Variants in MACROD2 observed in about 807,000 individuals in gnomAD.
MACROD2 encodes ADP-ribose glycohydrolase MACROD2.
MACROD2 carries 36 observed loss-of-function variants against 70.4 expected under a neutral mutation model. The ratio of observed to expected loss-of-function variants is 0.51; its 90% CI spans 0.39 to 0.68. The LOEUF is 0.68. MACROD2 is among the 30% of genes least tolerant of loss of function. The pLI, the probability that MACROD2 is intolerant of heterozygous loss-of-function variation, is 0.00. For missense variants in MACROD2, 496 were observed against 538.4 expected, an observed-to-expected ratio of 0.92 and a Z score of 0.78; for synonymous variants, 172 against 178.8, an observed-to-expected ratio of 0.96 and a Z score of 0.30.
intron 2 of MACROD2, among the ~76,000 whole-genome samples, chr20:14,079,295 A>T (rs1201231563): frequency 6.6e-6 from 1 of 152,216 alleles, no homozygotes; most frequent in Admixed American, 6.5e-5. Context: ...AGACCATACC[A>T]TTGGAATGAG....
rs59205516 is a variant in MACROD2, at chr20:15,978,582, G to GTCTCTCTCTCTC, written c.986-8122_986-8111dup. 9.1e-3 allele frequency among the ~76,000 whole-genome samples: 1,327 copies of GTCTCTCTCTCTC among 146,376 alleles called. 17 individuals are homozygous for GTCTCTCTCTCTC. Among genetic ancestry groups the GTCTCTCTCTCTC allele is most frequent in the African/African-American group, 0.026 (1,003 of 39,308 alleles). ...AATAAACTTACTCGCCTGACCTTGG[G>GTCTCTCTCTCTC]TCTCTCTCTCTCTCTCTCTCTCTCT... On this transcript the variant is annotated intron_variant, in intron 13 of 17. Transcript: ENST00000684519.
At chr20:15,691,169 A>G (rs1198001636) in intron 8 of MACROD2, among the ~76,000 whole-genome samples, 1 of 152,200 alleles carries the variant, frequency 6.6e-6, no homozygotes. Flanking sequence ...GCAGCAATTA[A>G]GAGCAACTAG....
intron 4 of MACROD2, among the ~76,000 whole-genome samples, chr20:14,663,598 G>C (rs995633053): frequency 6.6e-6 from 1 of 150,428 alleles, no homozygotes; most frequent in Non-Finnish European, 1.5e-5. Flanking sequence ...ATATATAATG[G>C]TCATATATAT....
At chr20:15,031,692 G>C (rs758566616) in intron 5 of MACROD2, among the ~76,000 whole-genome samples, 1 of 152,132 alleles carries the variant, frequency 6.6e-6, no homozygotes, top group African/African-American at 2.4e-5. Flanking sequence ...CAGAGTTAGC[G>C]GTGTTTTTAT....
intron 6 of MACROD2, among the ~76,000 whole-genome samples, chr20:15,361,922 C>T (rs1408793323): frequency 2.0e-5 from 3 of 151,942 alleles, no homozygotes; most frequent in Admixed American, 1.3e-4. Flanking sequence ...CTGCTGAACT[C>T]ACTCATCCTA....
intron 4 of MACROD2, among the ~76,000 whole-genome samples, chr20:14,582,042 G>A (rs1841785697): frequency 7.6e-6 from 1 of 131,138 alleles, no homozygotes; most frequent in African/African-American, 2.6e-5. Context: ...CCCTTGGATT[G>A]GCTTTCCCCC....
chr20:15,883,038 A>C lies in MACROD2; in HGVS notation c.728-2726A>C, dbSNP rs78664674. On this transcript the variant is annotated intron_variant, in intron 9 of 17. Coordinates refer to ENST00000684519, the MANE Select transcript of MACROD2 (RefSeq NM_001351661.2). The stretch of plus-strand genomic sequence containing the variant: ...ACTACTGACAAGATTCTTAAAAAAA[A>C]AAACAAACAAACAAAACAAAAAAAA... 2.5e-3 allele frequency among the ~76,000 whole-genome samples: 383 copies of C among 151,904 alleles called. 1 individual carries two copies. Among genetic ancestry groups the C allele is most frequent in the African/African-American group, 7.4e-3 (305 of 41,418 alleles).
intron 6 of MACROD2, among the ~76,000 whole-genome samples, chr20:15,333,267 A>G (rs1403127434): frequency 6.6e-6 from 1 of 151,546 alleles, no homozygotes; most frequent in East Asian, 1.9e-4. Flanking sequence ...TCTCCAGGTG[A>G]TTCTGATGCA....
intron 5 of MACROD2, among the ~76,000 whole-genome samples, chr20:15,062,965 A>T (rs1568555059): frequency 6.6e-6 from 1 of 152,246 alleles, no homozygotes; most frequent in Non-Finnish European, 1.5e-5. Context: ...ATCTGTCTGC[A>T]GATGGGATTT....
At chr20:14,673,946 G>T (rs1038208592) in intron 4 of MACROD2, among the ~76,000 whole-genome samples, 1 of 147,434 alleles carries the variant, frequency 6.8e-6, no homozygotes, top group African/African-American at 2.5e-5. Context: ...AAAAGGAAAA[G>T]GTAATAAAGC....
Position 14,215,234 on chromosome 20 carries a change from ATATATTCCATCATATATG to A in MACROD2, c.271+129524_271+129541del, listed in dbSNP as rs1298853798. On this transcript the variant is annotated intron_variant, in intron 3 of 17. Transcript: ENST00000684519. ...ATCATATATATATTTTCCATCATAT[ATATATTCCATCATATATG>A]TATATTCCATCATATATATATGTTC... Among the ~76,000 whole-genome samples the A allele has an allele frequency of 7.3e-4, 110 of 150,824 alleles. 1 individual carries two copies. Among genetic ancestry groups the A allele is most frequent in the African/African-American group, 2.6e-3 (107 of 41,126 alleles).
chr20:14,340,269 C>T (rs1303663298), intron 3 of MACROD2, among the ~76,000 whole-genome samples: 2 of 152,154 alleles, frequency 1.3e-5, no homozygotes, highest in Non-Finnish European at 2.9e-5. Flanking sequence ...ACATGGGCTT[C>T]AGAGATTAGC....
intron 3 of MACROD2, among the ~76,000 whole-genome samples, chr20:14,228,000 G>A (rs912190): frequency 0.97 from 148,052 of 152,274 alleles, 71,982 homozygotes; most frequent in Admixed American, 0.99. Context: ...AGTACAATTG[G>A]GCAAGATAAT....
intron 10 of MACROD2, among the ~76,000 whole-genome samples, chr20:15,900,551 A>G (rs191223482): frequency 4.6e-5 from 7 of 152,314 alleles, no homozygotes; most frequent in Non-Finnish European, 1.0e-4. Context: ...AGTCAGCTCT[A>G]GGACTTTAAA....
chr20:15,737,035 A>G (rs1416323493), intron 8 of MACROD2, among the ~76,000 whole-genome samples: 1 of 152,228 alleles, frequency 6.6e-6, no homozygotes, highest in Non-Finnish European at 1.5e-5. Context: ...GGCAGGAGCA[A>G]TGGGAGAAAG....
intron 6 of MACROD2, among the ~76,000 whole-genome samples, chr20:15,398,520 C>T (rs917727244): frequency 6.6e-6 from 1 of 152,136 alleles, no homozygotes; most frequent in Non-Finnish European, 1.5e-5. Flanking sequence ...AGATACTGCT[C>T]ATCTCTCCTG....
intron 5 of MACROD2, among the ~76,000 whole-genome samples, chr20:14,761,836 T>C (rs1006563036): frequency 2.6e-5 from 4 of 152,158 alleles, no homozygotes; most frequent in African/African-American, 9.7e-5. Flanking sequence ...TACTTTGCAA[T>C]CTGCAGGTGC....
intron 3 of MACROD2, among the ~76,000 whole-genome samples, chr20:14,132,339 T>G (rs1168581761): frequency 6.6e-6 from 1 of 151,790 alleles, no homozygotes; most frequent in Non-Finnish European, 1.5e-5. Context: ...CGAGCCACCA[T>G]GCCAGACCCT....
chr20:15,053,161 G>C (rs183447455), intron 5 of MACROD2, among the ~76,000 whole-genome samples: 3 of 152,216 alleles, frequency 2.0e-5, no homozygotes, highest in Non-Finnish European at 4.4e-5. Flanking sequence ...AGGTAAAGCC[G>C]CAAGTGCTGA....
Sources: gnomAD v4.1 joint callset for allele counts (sites outside exome capture counted in the v4.1 genomes callset) on GRCh38, gnomAD v4.1.1 for gene constraint, MANE v1.5 for transcripts, NCBI Gene and HGNC (gene_info 2026-07-23, HGNC 2026-07-21) for gene names.